Variants in PHTF1 observed in about 807,000 individuals in gnomAD.
PHTF1 encodes protein PHTF1.
PHTF1 carries 88 observed loss-of-function variants against 102.4 expected under a neutral mutation model. The ratio of observed to expected loss-of-function variants is 0.86; its 90% CI spans 0.72 to 1.03. The LOEUF (loss-of-function observed/expected upper bound fraction) is 1.03. PHTF1 is among the 50% of genes least tolerant of loss of function. The probability of loss-of-function intolerance (pLI) is 0.00; values close to 1 mark genes in which losing one functional copy is unlikely to be tolerated. For synonymous variants in PHTF1, 289 were observed against 305.2 expected (o/e 0.95, Z 0.55); for missense variants, 814 against 909.5 (o/e 0.89, Z 1.35).
upstream of PHTF1, chr1:113,759,550 C>G (rs1659421313): frequency 6.6e-6 from 1 of 152,446 alleles, no homozygotes; most frequent in African/African-American, 2.4e-5. Context: ...CGCTTTCCGG[C>G]TTTCGCCGCC....
At chr1:113,736,300 C>G (rs1032607005) in intron 5 of PHTF1, among the ~76,000 whole-genome samples, 1 of 150,554 alleles carries the variant, frequency 6.6e-6, no homozygotes, top group South Asian at 2.1e-4. Context: ...CAAGATCGCG[C>G]CACTGCACTC....
chr1:113,704,509 A>C (rs893795706), intron 14 of PHTF1, among the ~76,000 whole-genome samples, 157 bp downstream of exon 14: 6 of 152,154 alleles, frequency 3.9e-5, no homozygotes, highest in Non-Finnish European at 8.8e-5. Flanking sequence ...CCAGCTTTGC[A>C]GAGAGATGAC....
rs561480783 is a variant in PHTF1, at chr1:113,708,629, T to C, written c.1269+1625A>G. Among the ~76,000 whole-genome samples the C allele has an allele frequency of 2.7e-5, 4 of 150,722 alleles. No homozygotes were observed. In the South Asian group the frequency reaches 6.3e-4, roughly 24 times the overall value. ...GCCTGGGTGACAGAGTAAGACTCCA[T>C]CTAAAAAAAAAAATGGGGTCAAGAA... On this transcript the variant is annotated intron_variant, in intron 11 of 18. Transcript: ENST00000369604.
At chr1:113,698,607 T>TTA (rs150694931) in intron 17 of PHTF1, among the ~76,000 whole-genome samples, 118 of 122,354 alleles carry the variant, frequency 9.6e-4, no homozygotes, top group East Asian at 4.1e-3. Flanking sequence ...ATTTGTAGTT[T>TTA]TATATATATA....
chr1:113,705,465 ACTT>A (rs1440907702), intron 13 of PHTF1, among the ~76,000 whole-genome samples: 6 of 151,930 alleles, frequency 3.9e-5, no homozygotes, highest in African/African-American at 9.7e-5. Flanking sequence ...AATAAATCAC[ACTT>A]CTTCTGCATA....
In PHTF1 at chr1:113,758,944, G is replaced by C. The variant is rs1659295793; in HGVS notation, c.-31+79C>G. On this transcript the variant is annotated intron_variant, in intron 1 of 18. Transcript: ENST00000369604. ...CAATATATCGGGCGAGCGTGTTCGT[G>C]GGTGCGGGGGAGGGGCAGGGGCCGC... is the stretch of plus-strand genomic sequence containing the variant. 3 of 1,167,202 alleles carry C rather than the reference G, an allele frequency of 2.6e-6. No individual in the cohort carries two copies. The East Asian group carries it at 1.4e-4, about 53-fold the overall frequency. The allele number at this position is 1,167,202 out of a possible 1,614,324, so 72.3% of individuals were successfully genotyped here.
rs751234625 is a variant in PHTF1 at position 113,698,616 on chromosome 1, T to TAC, written c.2143-230_2143-229insGT. Among the ~76,000 whole-genome samples, 1,020 of 114,062 alleles carry TAC rather than the reference T, an allele frequency of 8.9e-3. 12 individuals are homozygous for TAC. The highest frequency in any genetic ancestry group is 0.028 in the African/African-American group (718 of 25,498). 74.8% of individuals were successfully genotyped at this position (114,062 alleles called of 152,430 possible). A position where few individuals can be genotyped will look rare whatever the true frequency, so the allele number is the denominator to read the frequency against. On this transcript the variant is annotated intron_variant, in intron 17 of 18. Transcript: ENST00000369604. ...TATGTCATTTGTAGTTTTATATATA[T>TAC]ATATACACACACACACACACACACA...
In PHTF1 at chr1:113,700,218, T is replaced by C. The variant is rs1417337748; in HGVS notation, c.2047-419A>G. 6 of 914,962 alleles carry C rather than the reference T, an allele frequency of 6.6e-6. No individual in the cohort carries two copies. The East Asian group carries it at 5.9e-4, about 90-fold the overall frequency. The allele number at this position is 914,962 out of a possible 1,614,324, so 56.7% of individuals were successfully genotyped here. A position where few individuals can be genotyped will look rare whatever the true frequency, so the allele number is the denominator to read the frequency against. On this transcript the variant is annotated intron_variant, in intron 16 of 18. Transcript: ENST00000369604. Reference sequence around the variant, plus strand: ...TTTACTAATTCCTTATATTTTGCCTTGTAGGAAGAATTCTCCATTACGATT... The same window carrying C: ...TTTACTAATTCCTTATATTTTGCCTCGTAGGAAGAATTCTCCATTACGATT...
At chr1:113,750,847 A>C (rs1452391469) in intron 3 of PHTF1, among the ~76,000 whole-genome samples, 1 of 150,894 alleles carries the variant, frequency 6.6e-6, no homozygotes, top group African/African-American at 2.4e-5. Flanking sequence ...CTGTCTCCAA[A>C]AAAAAAAAAA....
Position 113,717,791 on chromosome 1 carries a change from C to T in PHTF1, c.624-4353G>A, listed in dbSNP as rs192021400. Among the ~76,000 whole-genome samples the T allele has an allele frequency of 4.2e-4, 64 of 152,212 alleles. 1 individual carries two copies. Among genetic ancestry groups the T allele is most frequent in the Non-Finnish European group, 6.9e-4 (47 of 68,018 alleles). Reference sequence around the variant, plus strand: ...ATCTCGTGAGACTTATTCACTATCACGAGAATAGCATGGGAAAGACCAGCC... The same window carrying T: ...ATCTCGTGAGACTTATTCACTATCATGAGAATAGCATGGGAAAGACCAGCC... On this transcript the variant is annotated intron_variant, in intron 7 of 18. Transcript: ENST00000369604.
At chr1:113,733,041 C>G (rs904214844) in intron 5 of PHTF1, among the ~76,000 whole-genome samples, 22 of 146,614 alleles carry the variant, frequency 1.5e-4, no homozygotes, top group Non-Finnish European at 1.5e-5. Flanking sequence ...AAACTACAGG[C>G]TTGCACCACG....
chr1:113,738,220 G>T lies in PHTF1; in HGVS notation c.221C>A (p.Thr74Asn). The change falls in exon 5 of 19, where the codon ACT (threonine) becomes AAT (asparagine). Residue 74 changes from threonine to asparagine, a missense_variant. Physicochemically the swap from Thr to Asn is moderately conservative, Grantham distance 65. Transcript: ENST00000369604. ...AKPEIPWTSL[T>N]RKGLVRVVFF... is the part of the protein sequence containing the mutation. ...TACAACTCGAACAAGCCCCTTCCGA[G>T]TCAGAGATGTCCATGGAATTTCAGG... is the stretch of plus-strand genomic sequence containing the variant. 6.2e-7 allele frequency: 1 copy of T among 1,613,836 alleles called. No homozygotes were observed. Among genetic ancestry groups the T allele is most frequent in the Non-Finnish European group, 8.5e-7 (1 of 1,179,768 alleles).
At chr1:113,708,448 A>G (rs972708736) in intron 11 of PHTF1, among the ~76,000 whole-genome samples, 57 of 152,352 alleles carry the variant, frequency 3.7e-4, no homozygotes, top group African/African-American at 1.2e-3. Context: ...CAACACAGCG[A>G]AACCCCATCT....
intron 7 of PHTF1, among the ~76,000 whole-genome samples, chr1:113,721,960 C>T (rs1653019448): frequency 6.6e-6 from 1 of 151,676 alleles, no homozygotes; most frequent in Non-Finnish European, 1.5e-5. Context: ...TCCCAAAGTG[C>T]TGGGATTACA....
chr1:113,730,936 T>C (rs971866950), intron 5 of PHTF1, among the ~76,000 whole-genome samples: 2 of 152,220 alleles, frequency 1.3e-5, no homozygotes, highest in Non-Finnish European at 2.9e-5. Context: ...ATTATATAAT[T>C]CTGCTTATAT....
intron 3 of PHTF1, among the ~76,000 whole-genome samples, chr1:113,743,794 C>G (rs1018890745): frequency 1.3e-5 from 2 of 152,186 alleles, no homozygotes; most frequent in African/African-American, 4.8e-5. Context: ...CATTATGTGG[C>G]ACATGACTGT....
rs562362503 is a variant in PHTF1, at chr1:113,740,892, A to G, written c.103-2093T>C. ...CTAAAAACACAAAAAGTAGCTGGGC[A>G]TGGTGGCGGGCACCTGTAATCCCAG... On this transcript the variant is annotated intron_variant, in intron 3 of 18. Coordinates refer to ENST00000369604, the MANE Select transcript of PHTF1 (RefSeq NM_001323043.2). 2.7e-4 allele frequency among the ~76,000 whole-genome samples: 41 copies of G among 152,220 alleles called. 1 individual carries two copies. The highest frequency in any genetic ancestry group is 9.9e-4 in the African/African-American group (41 of 41,526).
chr1:113,716,670 C>T (rs571950716), intron 7 of PHTF1, among the ~76,000 whole-genome samples: 9 of 152,094 alleles, frequency 5.9e-5, no homozygotes, highest in African/African-American at 2.2e-4. Flanking sequence ...ATTTAAACTG[C>T]TAAATGAAAA....
At chr1:113,735,759 T>C (rs1470777234) in intron 5 of PHTF1, among the ~76,000 whole-genome samples, 1 of 152,134 alleles carries the variant, frequency 6.6e-6, no homozygotes, top group African/African-American at 2.4e-5. Flanking sequence ...ATACATATAT[T>C]TTTCACTCTA....
Sources: allele counts gnomAD v4.1 joint callset (sites outside exome capture counted in the v4.1 genomes callset), GRCh38; gene constraint gnomAD v4.1.1; transcripts MANE v1.5; gene names NCBI Gene and HGNC (gene_info 2026-07-23, HGNC 2026-07-21).